C3orf70: variants seen among roughly 807,000 people sequenced by gnomAD.
The protein encoded by C3orf70 is UPF0524 protein C3orf70.
C3orf70 carries 15 observed loss-of-function variants against 20.7 expected under a neutral mutation model. The observed-to-expected ratio is 0.72, with a 90% confidence interval of 0.48 to 1.11. The LOEUF (loss-of-function observed/expected upper bound fraction) is 1.11. C3orf70 is among the 50% of genes most tolerant of loss of function. The pLI, the probability that C3orf70 is intolerant of heterozygous loss-of-function variation, is 0.00. For missense variants in C3orf70, 332 were observed against 317.6 expected, an observed-to-expected ratio of 1.05 and a Z score of -0.34; for synonymous variants, 161 against 125.7, an observed-to-expected ratio of 1.28 and a Z score of -1.88.
chr3:185,120,035 A>AAAAAAGAAAAAGAAAGAC (rs1716264795), intron 1 of C3orf70, among the ~76,000 whole-genome samples: 1 of 149,168 alleles, frequency 6.7e-6, no homozygotes, highest in Non-Finnish European at 1.5e-5. Flanking sequence ...AAAAAAAAAA[A>AAAAAAGAAAAAGAAAGAC]AAAGAAAAAG....
At chr3:185,085,778 G>C (rs1715446552) in intron 1 of C3orf70, among the ~76,000 whole-genome samples, 1 of 146,266 alleles carries the variant, frequency 6.8e-6, no homozygotes, top group African/African-American at 2.6e-5. Flanking sequence ...GGCTAAAGAA[G>C]GCTGACCTTT....
chr3:185,099,552 C>T (rs112063278), intron 1 of C3orf70, among the ~76,000 whole-genome samples: 19 of 152,206 alleles, frequency 1.2e-4, no homozygotes, highest in African/African-American at 3.9e-4. Context: ...ATCTGCCTTA[C>T]AAGAGCTCCT....
chr3:185,133,873 G>C (rs1716570658), intron 1 of C3orf70, among the ~76,000 whole-genome samples: 1 of 152,222 alleles, frequency 6.6e-6, no homozygotes, highest in Admixed American at 6.5e-5. Flanking sequence ...CAGATCACTT[G>C]AGCTCAGGAG....
chr3:185,152,047 C>A (rs557464465), intron 1 of C3orf70, among the ~76,000 whole-genome samples: 34 of 152,320 alleles, frequency 2.2e-4, no homozygotes. Context: ...ATTTAAGGAG[C>A]TCGACCTTCC....
chr3:185,099,115 A>G (rs183715197), intron 1 of C3orf70, among the ~76,000 whole-genome samples: 8 of 152,364 alleles, frequency 5.3e-5, no homozygotes, highest in Non-Finnish European at 1.0e-4. Context: ...TTTTAATTTT[A>G]AGACATGGGG....
chr3:185,138,065 G>T (rs1007820348), intron 1 of C3orf70, among the ~76,000 whole-genome samples: 1 of 152,122 alleles, frequency 6.6e-6, no homozygotes, highest in Non-Finnish European at 1.5e-5. Context: ...AGCAGAGGAT[G>T]TCATACATAC....
At chr3:185,123,587 C>T (rs150223572) in intron 1 of C3orf70, among the ~76,000 whole-genome samples, 1 of 151,820 alleles carries the variant, frequency 6.6e-6, no homozygotes, top group East Asian at 1.9e-4. Context: ...CGATCCTCCC[C>T]CTTCAGCCTC....
At chr3:185,098,937 C>A (rs1715765557) in intron 1 of C3orf70, among the ~76,000 whole-genome samples, 1 of 152,158 alleles carries the variant, frequency 6.6e-6, no homozygotes, top group African/African-American at 2.4e-5. Context: ...GTCTGCTGGC[C>A]CACACTGCAG....
chr3:185,120,033 A>AGAAAAAGAAAG (rs1553920936), intron 1 of C3orf70, among the ~76,000 whole-genome samples: 5 of 100,784 alleles, frequency 5.0e-5, no homozygotes, highest in Admixed American at 1.2e-4. Context: ...AAAAAAAAAA[A>AGAAAAAGAAAG]AAAAAGAAAA....
intron 1 of C3orf70, among the ~76,000 whole-genome samples, chr3:185,102,349 C>T (rs563117951): frequency 1.3e-5 from 2 of 152,216 alleles, no homozygotes; most frequent in Non-Finnish European, 2.9e-5. Flanking sequence ...ATATAGCTAA[C>T]CAGGGAGGTG....
At chr3:185,145,091 ATCT>A (rs1319551583) in intron 1 of C3orf70, among the ~76,000 whole-genome samples, 1 of 152,242 alleles carries the variant, frequency 6.6e-6, no homozygotes, top group Non-Finnish European at 1.5e-5. Flanking sequence ...AAGAAAACAA[ATCT>A]TCTACTAGAC....
At chr3:185,142,249 C>T (rs996019793) in intron 1 of C3orf70, among the ~76,000 whole-genome samples, 2 of 152,084 alleles carry the variant, frequency 1.3e-5, no homozygotes, top group African/African-American at 4.8e-5. Context: ...CTTGAGCTCA[C>T]ACGTTTGAGA....
chr3:185,134,506 C>G (rs1716582922), intron 1 of C3orf70, among the ~76,000 whole-genome samples: 1 of 152,094 alleles, frequency 6.6e-6, no homozygotes, highest in Non-Finnish European at 1.5e-5. Context: ...ATCTTTTTCT[C>G]CTCCTATTTG....
intron 1 of C3orf70, among the ~76,000 whole-genome samples, chr3:185,147,218 C>T (rs143470005): frequency 6.6e-6 from 1 of 152,110 alleles, no homozygotes; most frequent in East Asian, 1.9e-4. Context: ...AAGATTTCTT[C>T]TACAGAAAAC....
intron 1 of C3orf70, among the ~76,000 whole-genome samples, chr3:185,151,260 T>C (rs754744990): frequency 6.6e-6 from 1 of 152,194 alleles, no homozygotes; most frequent in South Asian, 2.1e-4. Flanking sequence ...ACTGTCAAAA[T>C]AAGACAGACA....
At chr3:185,106,887 G>C (rs933079238) in intron 1 of C3orf70, among the ~76,000 whole-genome samples, 2 of 152,218 alleles carry the variant, frequency 1.3e-5, no homozygotes, top group African/African-American at 4.8e-5. Context: ...AGATTACAAT[G>C]AGGAAATTCA....
intron 1 of C3orf70, among the ~76,000 whole-genome samples, chr3:185,134,411 A>C (rs1716581218): frequency 6.6e-6 from 1 of 152,182 alleles, no homozygotes; most frequent in Non-Finnish European, 1.5e-5. Context: ...AAAGACTGAA[A>C]GGTGGGGAGA....
intron 1 of C3orf70, among the ~76,000 whole-genome samples, chr3:185,117,454 A>AGAG (rs1716203945): frequency 1.4e-4 from 20 of 142,018 alleles, no homozygotes; most frequent in African/African-American, 5.0e-4. Flanking sequence ...CACACACAGA[A>AGAG]AGAGAGAGAG....
intron 1 of C3orf70, among the ~76,000 whole-genome samples, chr3:185,120,393 A>T (rs1277251332): frequency 6.6e-6 from 1 of 152,198 alleles, no homozygotes; most frequent in Non-Finnish European, 1.5e-5. Flanking sequence ...AAACAAATAG[A>T]TATGCAGGGC....
Sources: allele counts gnomAD v4.1 joint callset (sites outside exome capture counted in the v4.1 genomes callset), GRCh38; gene constraint gnomAD v4.1.1; transcripts MANE v1.5; gene names NCBI Gene and HGNC (gene_info 2026-07-23, HGNC 2026-07-21).